Variants in RASGRP1 observed in about 807,000 individuals in gnomAD.
RASGRP1 encodes the protein RAS guanyl releasing protein 1.
Under a neutral mutation model 95.1 loss-of-function variants are expected in RASGRP1, and 37 were observed. That is an observed-to-expected ratio of 0.39 (90% CI 0.30 to 0.51). RASGRP1 has a LOEUF of 0.51. Ranked by LOEUF, RASGRP1 falls within the 20% of genes least tolerant of loss-of-function variation. RASGRP1 has a pLI of 0.80. For missense variants in RASGRP1, 711 were observed against 965.4 expected (o/e 0.74, Z 3.49); for synonymous variants, 325 against 353.4 (o/e 0.92, Z 0.90).
intron 1 of RASGRP1, among the ~76,000 whole-genome samples, chr15:38,563,285 T>G (rs1167975172): frequency 6.6e-6 from 1 of 152,142 alleles, no homozygotes; most frequent in African/African-American, 2.4e-5. Flanking sequence ...AAAGGCATAT[T>G]TTTTAAAAAA....
intron 2 of RASGRP1, among the ~76,000 whole-genome samples, chr15:38,529,999 G>A (rs1006337610): frequency 6.6e-6 from 1 of 152,162 alleles, no homozygotes; most frequent in Non-Finnish European, 1.5e-5. Flanking sequence ...GGTAGGGTTA[G>A]TATTACTTTA....
rs761374280 is a variant in RASGRP1 at position 38,508,010 on chromosome 15, C to A, written c.967-9G>T. On this transcript the variant is annotated splice_polypyrimidine_tract_variant and intron_variant, in intron 8 of 16. Coordinates refer to ENST00000310803, the MANE Select transcript of RASGRP1 (RefSeq NM_005739.4). ...GTCATCTCACCGAGAACCTACAAAG[C>A]AGAACAGACCAATCACAGGTACCCG... The A allele has an allele frequency of 2.6e-5, 41 of 1,594,052 alleles. No homozygotes were observed. The highest frequency in any genetic ancestry group is 3.2e-5 in the Non-Finnish European group (38 of 1,170,528).
chr15:38,498,983 C>T, intron 14 of RASGRP1, 37 bp from the exon 15 acceptor site: 1 of 1,613,642 alleles, frequency 6.2e-7, no homozygotes, highest in South Asian at 1.1e-5. Context: ...AAGTCTTTCA[C>T]TTTTCTCTCT....
intron 1 of RASGRP1, among the ~76,000 whole-genome samples, chr15:38,563,668 T>C (rs1193180266): frequency 6.6e-6 from 1 of 152,204 alleles, no homozygotes; most frequent in Admixed American, 6.5e-5. Flanking sequence ...CTCCTCCTTC[T>C]GAATCTAGTG....
At chr15:38,502,120 G>T (rs1393075840) in intron 12 of RASGRP1, among the ~76,000 whole-genome samples, 192 bp downstream of exon 12, 4 of 152,176 alleles carry the variant, frequency 2.6e-5, no homozygotes, top group Admixed American at 1.3e-4. Flanking sequence ...CTCCCAAAGT[G>T]TTGGGATTAC....
chr15:38,490,558 G>C lies in RASGRP1; in HGVS notation c.2390C>G (p.Ser797Cys), dbSNP rs770100472. 13 of 1,602,344 alleles carry C rather than the reference G, an allele frequency of 8.1e-6. No homozygotes were observed. In the Admixed American group the frequency reaches 1.0e-4, roughly 12 times the overall value. ...VLAQMEQGDC[S>C] Reference sequence around the variant, plus strand: ...TTGTGCTACTTAGTTTCTGGGCTAAGAACAGTCACCCTGCTCCATTTGAGC... The same window carrying C: ...TTGTGCTACTTAGTTTCTGGGCTAACAACAGTCACCCTGCTCCATTTGAGC... Residue 797 changes from serine (S) to cysteine (C), a missense_variant, in exon 17 of 17, where the codon TCT (serine) becomes TGT (cysteine). Coordinates refer to ENST00000310803, the MANE Select transcript of RASGRP1 (RefSeq NM_005739.4).
intron 9 of RASGRP1, 21 bp from the exon 10 acceptor site, chr15:38,505,941 G>C: frequency 6.4e-7 from 1 of 1,571,588 alleles, no homozygotes; most frequent in Non-Finnish European, 8.7e-7. Flanking sequence ...AAGCAGAACA[G>C]GGTTCATTGC....
chr15:38,501,131 A>C lies in RASGRP1; in HGVS notation c.1683+12T>G. On this transcript the variant is annotated intron_variant, in intron 13 of 16. Transcript: ENST00000310803. Reference sequence around the variant, plus strand: ...CCAAATTCAGCCCTGGAGCACCCTAAGAACAACTTACAAATCCAGCACAGT... The same window carrying C: ...CCAAATTCAGCCCTGGAGCACCCTACGAACAACTTACAAATCCAGCACAGT... 1 of 1,586,552 alleles carries C rather than the reference A, an allele frequency of 6.3e-7. No homozygotes were observed. The highest frequency in any genetic ancestry group is 1.3e-5 in the African/African-American group (1 of 74,110).
chr15:38,560,485 C>A (rs1198566163), intron 1 of RASGRP1, among the ~76,000 whole-genome samples: 1 of 152,158 alleles, frequency 6.6e-6, no homozygotes, highest in African/African-American at 2.4e-5. Context: ...AGTTCGAGAT[C>A]ATCTTTGGCT....
At chr15:38,513,925 T>C (rs752768570) in intron 6 of RASGRP1, among the ~76,000 whole-genome samples, 1 of 152,182 alleles carries the variant, frequency 6.6e-6, no homozygotes, top group Non-Finnish European at 1.5e-5. Context: ...GGCAAAGATG[T>C]AAGAGCCAGT....
At chr15:38,495,013 C>T (rs1890741263) in intron 15 of RASGRP1, among the ~76,000 whole-genome samples, 1 of 152,144 alleles carries the variant, frequency 6.6e-6, no homozygotes, top group African/African-American at 2.4e-5. Context: ...ACAAAGGTTG[C>T]TTAGAGGGTT....
At position 38,513,622 on chromosome 15, in the gene RASGRP1, C is replaced by T. The variant is rs539788596; in HGVS notation, c.676-666G>A. Among the ~76,000 whole-genome samples, 8 of 152,220 alleles carry T rather than the reference C, an allele frequency of 5.3e-5. No homozygotes were observed. The South Asian group carries it at 1.7e-3, about 32-fold the overall frequency. On this transcript the variant is annotated intron_variant, in intron 6 of 16. Transcript: ENST00000310803. ...CTATATGTTTGCTGATCATGGTTTC[C>T]CAAGTTGACAATAGCATTGACTACA... is the stretch of plus-strand genomic sequence containing the variant.
chr15:38,523,498 C>A (rs893297933), intron 3 of RASGRP1, among the ~76,000 whole-genome samples: 3 of 152,106 alleles, frequency 2.0e-5, no homozygotes, highest in Non-Finnish European at 4.4e-5. Context: ...AACATAAAGT[C>A]ACAGTAAGCT....
At chr15:38,535,043 G>A (rs142739460) in intron 2 of RASGRP1, among the ~76,000 whole-genome samples, 9 of 152,300 alleles carry the variant, frequency 5.9e-5, no homozygotes, top group South Asian at 4.2e-4. Context: ...GATATGTTAC[G>A]TTTTTGTGGC....
chr15:38,530,402 T>C (rs1401249587), intron 2 of RASGRP1, among the ~76,000 whole-genome samples: 1 of 152,162 alleles, frequency 6.6e-6, no homozygotes, highest in African/African-American at 2.4e-5. Context: ...ACATGGAACA[T>C]AGCACTGACA....
Position 38,548,909 on chromosome 15 carries a change from T to A in RASGRP1, c.220+10912A>T, listed in dbSNP as rs142021274. Among the ~76,000 whole-genome samples, 3 of 152,350 alleles carry A rather than the reference T, an allele frequency of 2.0e-5. No individual in the cohort carries two copies. The East Asian group carries it at 5.8e-4, about 29-fold the overall frequency. On this transcript the variant is annotated intron_variant, in intron 2 of 16. Coordinates refer to ENST00000310803, the MANE Select transcript of RASGRP1 (RefSeq NM_005739.4). ...AGTTACTGACAAGGTAATGAGACTC[T>A]TAGGCACTGGGACAGAGAGGGTGGG...
chr15:38,526,290 A>G lies in RASGRP1; in HGVS notation c.326+9T>C. 1 of 1,604,658 alleles carries G rather than the reference A, an allele frequency of 6.2e-7. No individual in the cohort carries two copies. Reference sequence around the variant, plus strand: ...TTTTGGGATTGCCAGTCACTATGTTAAAGGATATAGGGTGATAACTTTTTG... The same window carrying G: ...TTTTGGGATTGCCAGTCACTATGTTGAAGGATATAGGGTGATAACTTTTTG... On this transcript the variant is annotated intron_variant, in intron 3 of 16. Transcript: ENST00000310803.
intron 3 of RASGRP1, among the ~76,000 whole-genome samples, chr15:38,521,336 C>T (rs1025832243): frequency 2.0e-5 from 3 of 152,170 alleles, no homozygotes; most frequent in Non-Finnish European, 4.4e-5. Flanking sequence ...TAAGTAGATA[C>T]ATTAAATCGA....
At chr15:38,545,021 T>A (rs970172734) in intron 2 of RASGRP1, among the ~76,000 whole-genome samples, 1 of 152,268 alleles carries the variant, frequency 6.6e-6, no homozygotes. Context: ...AATTTTTTTA[T>A]GGGAAGTCCC....
Sources: allele counts gnomAD v4.1 joint callset (sites outside exome capture counted in the v4.1 genomes callset), GRCh38; gene constraint gnomAD v4.1.1; transcripts MANE v1.5; gene names NCBI Gene and HGNC (gene_info 2026-07-23, HGNC 2026-07-21).